OR52N4: variants seen among roughly 807,000 people sequenced by gnomAD.
The protein encoded by OR52N4 is olfactory receptor 52N4.
In OR52N4, 15 loss-of-function variants were observed where a neutral mutation model predicts 15.0. That is an observed-to-expected ratio of 1.00 (90% CI 0.67 to 1.54). The LOEUF (loss-of-function observed/expected upper bound fraction) is 1.54. OR52N4 is among the 40% of genes most tolerant of loss of function. The pLI, the probability that OR52N4 is intolerant of heterozygous loss-of-function variation, is 0.00. For synonymous variants in OR52N4, 143 were observed against 143.7 expected, an observed-to-expected ratio of 1.00 and a Z score of 0.03; for missense variants, 421 against 394.0, an observed-to-expected ratio of 1.07 and a Z score of -0.58.
chr11:5,728,894 A>AT, the OR52N4 span, among the ~76,000 whole-genome samples: 1 of 151,736 alleles, frequency 6.6e-6, no homozygotes, highest in Non-Finnish European at 1.5e-5. Context: ...CTAACCCTCA[A>AT]TTTTTTTTAT....
the OR52N4 span, among the ~76,000 whole-genome samples, chr11:5,745,064 T>C: frequency 1.3e-5 from 2 of 151,938 alleles, no homozygotes; most frequent in Non-Finnish European, 2.9e-5. Context: ...GTAAAAGCCA[T>C]ATACATCAAA....
chr11:5,728,976 G>A, the OR52N4 span, among the ~76,000 whole-genome samples: 4 of 151,948 alleles, frequency 2.6e-5, no homozygotes, highest in Non-Finnish European at 5.9e-5. Flanking sequence ...AGCCATGTTG[G>A]TGTGCTGCAC....
Position 5,755,593 on chromosome 11 carries a change from C to T in OR52N4, c.853C>T (p.Leu285Phe). The change falls in exon 2 of 2, where the codon CTC becomes TTC. Residue 285 changes from leucine to phenylalanine, a missense_variant. Coordinates refer to ENST00000641350, the MANE Select transcript of OR52N4 (RefSeq NM_001005175.5). ...CATCATTGTAGCCAATATTTATCTG[C>T]TCCTACCACCCACTATGAACCCTAT... is the stretch of plus-strand genomic sequence containing the variant. ...CHIIVANIYL[L>F]LPPTMNPIVY... is the part of the protein sequence containing the mutation. The T allele has an allele frequency of 6.2e-7, 1 of 1,613,858 alleles. No individual in the cohort carries two copies. The highest frequency in any genetic ancestry group is 8.5e-7 in the Non-Finnish European group (1 of 1,179,838).
At chr11:5,735,996 G>T in the OR52N4 span, 1 of 156,528 alleles carries the variant, frequency 6.4e-6, no homozygotes, top group Non-Finnish European at 1.4e-5. Context: ...GTCTTTATAG[G>T]TTCTCTAAGA....
At chr11:5,751,712 T>C (rs1854194698), upstream of OR52N4, among the ~76,000 whole-genome samples, 2 of 152,184 alleles carry the variant, frequency 1.3e-5, no homozygotes. Flanking sequence ...TTTGATTTGC[T>C]CGGCTCTGAG....
chr11:5,737,243 G>T, the OR52N4 span: 1 of 1,614,068 alleles, frequency 6.2e-7, no homozygotes, highest in Non-Finnish European at 8.5e-7. Context: ...AGCTGAAGCT[G>T]CAGCCAAGGC....
In OR52N4 at chr11:5,755,594, T is replaced by A; in HGVS notation, c.854T>A (p.Leu285His). 6.2e-7 allele frequency: 1 copy of A among 1,613,852 alleles called. No individual in the cohort carries two copies. The highest frequency in any genetic ancestry group is 8.5e-7 in the Non-Finnish European group (1 of 1,179,828). ...CHIIVANIYLLLPPTMNPIVY... is the reference protein window; with the variant it reads ...CHIIVANIYLHLPPTMNPIVY... ...ATCATTGTAGCCAATATTTATCTGC[T>A]CCTACCACCCACTATGAACCCTATT... Residue 285 changes from leucine (L) to histidine (H), a missense_variant, in exon 2 of 2, where the codon CTC becomes CAC. Transcript: ENST00000641350.
the OR52N4 span, among the ~76,000 whole-genome samples, chr11:5,744,585 T>C: frequency 3.9e-5 from 6 of 152,210 alleles, no homozygotes; most frequent in African/African-American, 1.4e-4. Context: ...CATGCCCATA[T>C]GCCCCTGAGG....
At chr11:5,746,427 A>G in the OR52N4 span, among the ~76,000 whole-genome samples, 2 of 152,162 alleles carry the variant, frequency 1.3e-5, no homozygotes, top group Non-Finnish European at 2.9e-5. Context: ...TCCATCATCT[A>G]CAAGGAACTC....
the OR52N4 span, among the ~76,000 whole-genome samples, chr11:5,748,000 C>A: frequency 6.6e-6 from 1 of 151,952 alleles, no homozygotes; most frequent in African/African-American, 2.4e-5. Flanking sequence ...AATGTCACAG[C>A]AATTTCATAC....
upstream of OR52N4, among the ~76,000 whole-genome samples, chr11:5,749,942 A>G (rs1447344270): frequency 2.0e-5 from 3 of 152,002 alleles, no homozygotes; most frequent in African/African-American, 7.2e-5. Context: ...TGTTTTAGGA[A>G]GAAAATTGCA....
the OR52N4 span, among the ~76,000 whole-genome samples, chr11:5,732,181 G>C: frequency 6.6e-6 from 1 of 152,008 alleles, no homozygotes. Flanking sequence ...CAACATCTCC[G>C]CATCCCCCAG....
At position 5,755,374 on chromosome 11, in the gene OR52N4, G is replaced by A; in HGVS notation, c.634G>A (p.Asp212Asn). Residue 212 changes from aspartate to asparagine, a missense_variant, in exon 2 of 2, where the codon GAC becomes AAC. Transcript: ENST00000641350. ...GGTTGCCCTCCTGATTTGGGGCTTT[G>A]ACATACTGTGTATCACCAACTCCTA... ...LMVALLIWGF[D>N]ILCITNSYTM... 16 of 1,614,066 alleles carry A rather than the reference G, an allele frequency of 9.9e-6. No individual in the cohort carries two copies. Among genetic ancestry groups the A allele is most frequent in the Non-Finnish European group, 1.4e-5 (16 of 1,179,988 alleles).
At chr11:5,741,728 C>T in the OR52N4 span, among the ~76,000 whole-genome samples, 11 of 152,064 alleles carry the variant, frequency 7.2e-5, no homozygotes, top group African/African-American at 2.7e-4. Context: ...GGGTGATAGA[C>T]CTTTGAAGTA....
chr11:5,730,361 T>C, the OR52N4 span, among the ~76,000 whole-genome samples: 1 of 151,794 alleles, frequency 6.6e-6, no homozygotes, highest in East Asian at 1.9e-4. Context: ...CTGGCTAATT[T>C]TTTGTATTTT....
the OR52N4 span, chr11:5,737,265 G>C: frequency 4.4e-4 from 717 of 1,614,126 alleles, 9 homozygotes; most frequent in South Asian, 7.6e-3. Flanking sequence ...CTGAGCACTT[G>C]TAGTTCACAT....
At chr11:5,752,157 G>A (rs1854204683), upstream of OR52N4, among the ~76,000 whole-genome samples, 1 of 152,158 alleles carries the variant, frequency 6.6e-6, no homozygotes, top group Non-Finnish European at 1.5e-5. Flanking sequence ...AGGTCTGGAA[G>A]CATCTGTCCT....
the OR52N4 span, among the ~76,000 whole-genome samples, chr11:5,735,547 A>T: frequency 6.6e-6 from 1 of 152,246 alleles, no homozygotes; most frequent in South Asian, 2.1e-4. Flanking sequence ...TGCAGAAAGC[A>T]TACTGAAAAA....
the OR52N4 span, among the ~76,000 whole-genome samples, chr11:5,734,429 A>G: frequency 3.9e-5 from 6 of 152,138 alleles, no homozygotes; most frequent in Non-Finnish European, 7.4e-5. Context: ...TAAGGCTCAC[A>G]TGGTGCACTA....
Sources: allele counts gnomAD v4.1 joint callset (sites outside exome capture counted in the v4.1 genomes callset), GRCh38; gene constraint gnomAD v4.1.1; transcripts MANE v1.5; gene names NCBI Gene and HGNC (gene_info 2026-07-23, HGNC 2026-07-21).